The following WIPI2 variants were observed in gnomAD, a reference collection of about 807,000 sequenced individuals.
WIPI2 encodes the protein WD repeat domain phosphoinositide-interacting protein 2.
WIPI2 carries 28 observed loss-of-function variants against 52.3 expected under a neutral mutation model. The ratio of observed to expected loss-of-function variants is 0.54; its 90% CI spans 0.40 to 0.73. WIPI2 has a LOEUF of 0.73. Among genes scored for constraint, WIPI2 ranks in the 30% least tolerant of loss-of-function variants. WIPI2 has a pLI of 0.00. For missense variants in WIPI2, 506 were observed against 602.9 expected (o/e 0.84, Z 1.68); for synonymous variants, 268 against 245.0 (o/e 1.09, Z -0.88).
chr7:5,214,937 C>T (rs916159021), intron 4 of WIPI2, among the ~76,000 whole-genome samples: 2 of 152,248 alleles, frequency 1.3e-5, no homozygotes, highest in Admixed American at 1.3e-4. Flanking sequence ...CCCATACAGG[C>T]GTCCCCGGCC....
chr7:5,193,627 C>T (rs967677875), intron 2 of WIPI2, among the ~76,000 whole-genome samples: 2 of 152,182 alleles, frequency 1.3e-5, no homozygotes, highest in African/African-American at 4.8e-5. Context: ...AGTGCAGTGG[C>T]ATAGTTATAA....
In WIPI2 at chr7:5,227,862, A is replaced by G. The variant is rs1004704445; in HGVS notation, c.1014-242A>G. Among the ~76,000 whole-genome samples, 14 of 152,162 alleles carry G rather than the reference A, an allele frequency of 9.2e-5. No homozygotes were observed. The highest frequency in any genetic ancestry group is 8.8e-5 in the Non-Finnish European group (6 of 68,030). Reference sequence around the variant, plus strand: ...TTCTCTGACGATGACTACCTATAATAATCCCAGAAGCCACAAAACTGGTTT... The same window carrying G: ...TTCTCTGACGATGACTACCTATAATGATCCCAGAAGCCACAAAACTGGTTT... On this transcript the variant is annotated intron_variant, in intron 10 of 12. Coordinates refer to ENST00000288828, the MANE Select transcript of WIPI2 (RefSeq NM_015610.4). This position sits in a 1 kb window ranked among gnomAD's most constrained non-coding sequence, Gnocchi z 8.1.
intron 3 of WIPI2, 83 bp downstream of exon 3, chr7:5,199,741 C>A (rs1305044366): frequency 3.7e-6 from 5 of 1,365,440 alleles, no homozygotes; most frequent in Non-Finnish European, 5.0e-6. Context: ...AAAATTCAGA[C>A]GCTGTGGTTG....
Position 5,231,078 on chromosome 7 carries a change from G to A in WIPI2, c.*131G>A. On this transcript the variant is annotated 3_prime_UTR_variant, in exon 13 of 13. Transcript: ENST00000288828. Reference sequence around the variant, plus strand: ...AGAGACTTTATTAAAAAAAAAAAAAGATTGTAGTGGTAGTCTAACTCCATA... The same window carrying A: ...AGAGACTTTATTAAAAAAAAAAAAAAATTGTAGTGGTAGTCTAACTCCATA... 1 of 578,530 alleles carries A rather than the reference G, an allele frequency of 1.7e-6. No homozygotes were observed. Among genetic ancestry groups the A allele is most frequent in the Non-Finnish European group, 2.8e-6 (1 of 351,372 alleles). The allele number at this position is 578,530 out of a possible 1,614,324, so 35.8% of individuals were successfully genotyped here. A position where few individuals can be genotyped will look rare whatever the true frequency, so the allele number is the denominator to read the frequency against.
rs112745408 is a variant in WIPI2, at chr7:5,195,004, G to A, written c.128+1833G>A. 3.9e-4 allele frequency among the ~76,000 whole-genome samples: 59 copies of A among 152,204 alleles called. 1 individual carries two copies. Among genetic ancestry groups the A allele is most frequent in the Middle Eastern group, 3.4e-3 (1 of 292 alleles). ...AAATGAGGAGGATGTGTTCAAGTGC[G>A]TTTAAAAAGCAGTGACTCTGTCCTT... On this transcript the variant is annotated intron_variant, in intron 2 of 12. Coordinates refer to ENST00000288828, the MANE Select transcript of WIPI2 (RefSeq NM_015610.4).
chr7:5,221,457 C>A (rs372116409), intron 7 of WIPI2, among the ~76,000 whole-genome samples: 1 of 152,198 alleles, frequency 6.6e-6, no homozygotes, highest in Non-Finnish European at 1.5e-5. Context: ...TTGAATAATT[C>A]TTCCTGCCCT....
In WIPI2 at chr7:5,204,154, A is replaced by G. The variant is rs891367126; in HGVS notation, c.211+4496A>G. Among the ~76,000 whole-genome samples the G allele has an allele frequency of 1.1e-3, 166 of 152,268 alleles. 2 individuals are homozygous for G. Among genetic ancestry groups the G allele is most frequent in the African/African-American group, 3.6e-3 (151 of 41,558 alleles). Reference sequence around the variant, plus strand: ...TGATTGTTCTGGGTATGCGGGTTCCATGTATATTTATATGTTTGAAAGTTC... The same window carrying G: ...TGATTGTTCTGGGTATGCGGGTTCCGTGTATATTTATATGTTTGAAAGTTC... On this transcript the variant is annotated intron_variant, in intron 3 of 12. Transcript: ENST00000288828.
chr7:5,205,154 T>C (rs1000304941), intron 3 of WIPI2, among the ~76,000 whole-genome samples: 4 of 152,216 alleles, frequency 2.6e-5, no homozygotes, highest in Non-Finnish European at 5.9e-5. Flanking sequence ...TTTTGTATTT[T>C]TAGTAGAGAC....
intron 2 of WIPI2, chr7:5,193,372 A>T (rs540379097): frequency 1.5e-6 from 2 of 1,361,690 alleles, no homozygotes; most frequent in African/African-American, 2.9e-5. Flanking sequence ...TGTCTGTTTT[A>T]AATGCCATGT....
At chr7:5,225,687 A>G in intron 8 of WIPI2, 136 bp from the exon 9 acceptor site, 1 of 600,296 alleles carries the variant, frequency 1.7e-6, no homozygotes, top group East Asian at 2.8e-5. Flanking sequence ...ATGTTTGAGA[A>G]GGTGGCTAGA....
chr7:5,195,511 T>C (rs968307942), intron 2 of WIPI2, among the ~76,000 whole-genome samples: 3 of 152,026 alleles, frequency 2.0e-5, no homozygotes, highest in Non-Finnish European at 4.4e-5. Flanking sequence ...AATAAATAAA[T>C]CCCACTCTGT....
chr7:5,210,316 G>T (rs570207389), intron 3 of WIPI2, among the ~76,000 whole-genome samples: 2 of 152,212 alleles, frequency 1.3e-5, no homozygotes, highest in African/African-American at 4.8e-5. Context: ...TGTCAAGGTC[G>T]CCATATAAGC....
In WIPI2 at chr7:5,227,198, C is replaced by T. The variant is rs146017204; in HGVS notation, c.867C>T (p.Thr289=). ...TVKEKPPEEP[T]TWTGYFGKVL... Reference sequence around the variant, plus strand: ...CTTCCAGACCCCCAGAGGAGCCCACCACCTGGACCGGGTACTTCGGGAAAG... The same window carrying T: ...CTTCCAGACCCCCAGAGGAGCCCACTACCTGGACCGGGTACTTCGGGAAAG... The change falls in exon 10 of 13, where the codon ACC becomes ACT. Residue 289 remains threonine, a synonymous_variant. Coordinates refer to ENST00000288828, the MANE Select transcript of WIPI2 (RefSeq NM_015610.4). The surrounding 1 kb of genome is among the most constrained non-coding windows in gnomAD (Gnocchi z 8.1). 4.0e-5 allele frequency: 65 copies of T among 1,614,004 alleles called. No individual in the cohort carries two copies. Among genetic ancestry groups the T allele is most frequent in the Middle Eastern group, 1.6e-4 (1 of 6,062 alleles).
chr7:5,204,676 A>G (rs1471030890), intron 3 of WIPI2, among the ~76,000 whole-genome samples: 1 of 151,702 alleles, frequency 6.6e-6, no homozygotes, highest in Non-Finnish European at 1.5e-5. Context: ...TATGGCTGTT[A>G]CCACTACTAC....
Position 5,212,541 on chromosome 7 carries a change from G to T in WIPI2, c.212-1994G>T, listed in dbSNP as rs571283274. Among the ~76,000 whole-genome samples, 3 of 152,234 alleles carry T rather than the reference G, an allele frequency of 2.0e-5. No homozygotes were observed. In the East Asian group the frequency reaches 5.8e-4, roughly 29 times the overall value. On this transcript the variant is annotated intron_variant, in intron 3 of 12. Transcript: ENST00000288828. Reference sequence around the variant, plus strand: ...AGTCCTACCCTCCTTTTTGGGGCAGGACTGGTATTACAGACAGGGTCTCGC... The same window carrying T: ...AGTCCTACCCTCCTTTTTGGGGCAGTACTGGTATTACAGACAGGGTCTCGC...
At position 5,190,504 on chromosome 7, in the gene WIPI2, G is replaced by C; in HGVS notation, c.74+11G>C. ...CAACCAGGACAACACGTAAGGCCGG[G>C]GTCGGGGGTCGGAGTCGGGGTGAGG... On this transcript the variant is annotated intron_variant, in intron 1 of 12. Coordinates refer to ENST00000288828, the MANE Select transcript of WIPI2 (RefSeq NM_015610.4). 1.3e-6 allele frequency: 2 copies of C among 1,496,188 alleles called. No individual in the cohort carries two copies. Among genetic ancestry groups the C allele is most frequent in the Non-Finnish European group, 1.8e-6 (2 of 1,120,348 alleles). 92.7% of individuals were successfully genotyped at this position (1,496,188 alleles called of 1,614,324 possible). A position where few individuals can be genotyped will look rare whatever the true frequency, so the allele number is the denominator to read the frequency against.
chr7:5,232,712 G>A lies in WIPI2; in HGVS notation c.*1765G>A. ...CCTGACCGTGCACTCCATCTCCTGG[G>A]AGCCACTTTTGGCAAGAGTGAGTGT... On this transcript the variant is annotated 3_prime_UTR_variant, in exon 13 of 13. Coordinates refer to ENST00000288828, the MANE Select transcript of WIPI2 (RefSeq NM_015610.4). 1.1e-5 allele frequency: 2 copies of A among 177,512 alleles called. No individual in the cohort carries two copies. The highest frequency in any genetic ancestry group is 1.5e-4 in the East Asian group (1 of 6,894). 11.0% of individuals were successfully genotyped at this position (177,512 alleles called of 1,614,324 possible).
chr7:5,198,514 A>G (rs1446098523), intron 2 of WIPI2, among the ~76,000 whole-genome samples: 1 of 152,142 alleles, frequency 6.6e-6, no homozygotes, highest in Non-Finnish European at 1.5e-5. Flanking sequence ...GGTTTTCGCC[A>G]TGTTGGCCAG....
At chr7:5,215,600 G>A (rs1782775058) in intron 4 of WIPI2, among the ~76,000 whole-genome samples, 1 of 152,236 alleles carries the variant, frequency 6.6e-6, no homozygotes. Context: ...GAGTGGACAT[G>A]ATGACAGCCA....
Sources: allele counts gnomAD v4.1 joint callset (sites outside exome capture counted in the v4.1 genomes callset), GRCh38; gene constraint gnomAD v4.1.1; non-coding constraint Gnocchi (gnomAD v3.1); transcripts MANE v1.5; gene names NCBI Gene and HGNC (gene_info 2026-07-23, HGNC 2026-07-21).